Variants in SORCS2 observed in about 807,000 individuals in gnomAD.
SORCS2 encodes sortilin related VPS10 domain containing receptor 2.
SORCS2 carries 100 observed loss-of-function variants against 141.6 expected under a neutral mutation model. The observed-to-expected ratio is 0.71, with a 90% CI of 0.60 to 0.83. SORCS2 has a LOEUF of 0.83. Among genes scored for constraint, SORCS2 ranks in the 40% least tolerant of loss-of-function variants. SORCS2 has a pLI of 0.00. For synonymous variants in SORCS2, 789 were observed against 676.9 expected (o/e 1.17, Z -2.57); for missense variants, 1,646 against 1,560.2 (o/e 1.05, Z -0.93).
At chr4:7,433,948 T>C (rs377389407) in intron 2 of SORCS2, 5 of 1,613,870 alleles carry the variant, frequency 3.1e-6, no homozygotes, top group South Asian at 1.1e-5. Flanking sequence ...CTCAGAGCTG[T>C]TGGACATGAG....
chr4:7,264,728 CT>C (rs915455861), intron 1 of SORCS2, among the ~76,000 whole-genome samples: 1 of 152,242 alleles, frequency 6.6e-6, no homozygotes, highest in Non-Finnish European at 1.5e-5. Flanking sequence ...TGGAAAGCCC[CT>C]CACCATGCCT....
chr4:7,387,959 C>G (rs1002697791), intron 1 of SORCS2, among the ~76,000 whole-genome samples: 43 of 70,756 alleles, frequency 6.1e-4, no homozygotes, highest in African/African-American at 9.4e-4. Flanking sequence ...CACATGCACA[C>G]ACACACAGAT....
intron 3 of SORCS2, among the ~76,000 whole-genome samples, chr4:7,589,921 T>A (rs1253815330): frequency 6.6e-6 from 1 of 152,140 alleles, no homozygotes; most frequent in African/African-American, 2.4e-5. Context: ...ACTCACCAGG[T>A]CTGTGTGTGA....
rs1725704442 is a variant in SORCS2, at chr4:7,709,780, C to T, written c.1869-2953C>T. On this transcript the variant is annotated intron_variant, in intron 14 of 26. Coordinates refer to ENST00000507866, the MANE Select transcript of SORCS2 (RefSeq NM_020777.3). The stretch of plus-strand genomic sequence containing the variant: ...CCAGAGGCAACTTTTGGGACACTTT[C>T]CTGGCACCAGTCACTTTCACCTGCC... Among the ~76,000 whole-genome samples the T allele has an allele frequency of 3.3e-5, 5 of 152,198 alleles. No individual in the cohort carries two copies. In the South Asian group the frequency reaches 1.0e-3, roughly 32 times the overall value.
intron 2 of SORCS2, among the ~76,000 whole-genome samples, chr4:7,405,340 C>T (rs758142858): frequency 3.3e-5 from 5 of 151,974 alleles, no homozygotes; most frequent in Admixed American, 6.6e-5. Context: ...TATGTGGGCT[C>T]TTTTTGGGTT....
intron 3 of SORCS2, among the ~76,000 whole-genome samples, chr4:7,585,246 A>G (rs182523341): frequency 2.5e-4 from 38 of 152,340 alleles, no homozygotes; most frequent in African/African-American, 8.7e-4. Flanking sequence ...GGCCTGAGCT[A>G]TCACAGGAAG....
chr4:7,408,327 G>A (rs1048117205), intron 2 of SORCS2, among the ~76,000 whole-genome samples: 3 of 151,890 alleles, frequency 2.0e-5, no homozygotes, highest in African/African-American at 7.2e-5. Flanking sequence ...TAGAAAAGAC[G>A]ATATCTGTCT....
At chr4:7,377,821 G>A (rs1432648220) in intron 1 of SORCS2, among the ~76,000 whole-genome samples, 1 of 152,174 alleles carries the variant, frequency 6.6e-6, no homozygotes, top group East Asian at 1.9e-4. Context: ...ATATACTTAA[G>A]GCAGAATTCA....
rs1351638135 is a variant in SORCS2, at chr4:7,201,768, G to A, written c.480+8642G>A. Among the ~76,000 whole-genome samples, 4 of 152,092 alleles carry A rather than the reference G, an allele frequency of 2.6e-5. No individual in the cohort carries two copies. The highest frequency in any genetic ancestry group is 2.4e-5 in the African/African-American group (1 of 41,402). ...ACTTTGTCCTCGCCCCTCCTTAGTC[G>A]CTAGTTTGGGTGGGTGCTCTGTGGA... On this transcript the variant is annotated intron_variant, in intron 1 of 26. Coordinates refer to ENST00000507866, the MANE Select transcript of SORCS2 (RefSeq NM_020777.3). The surrounding 1 kb of genome is among the most constrained non-coding windows in gnomAD (Gnocchi z 4.4).
intron 1 of SORCS2, among the ~76,000 whole-genome samples, chr4:7,321,198 G>GGTTTTCT (rs1560190370): frequency 6.6e-6 from 1 of 152,126 alleles, no homozygotes; most frequent in Non-Finnish European, 1.5e-5. Flanking sequence ...TAGAGTATTT[G>GGTTTTCT]GTTTTCTGTT....
At chr4:7,572,970 C>T (rs558969054) in intron 3 of SORCS2, among the ~76,000 whole-genome samples, 13 of 152,270 alleles carry the variant, frequency 8.5e-5, no homozygotes, top group Admixed American at 5.2e-4. Context: ...TAAAGTGCCC[C>T]GTCATAGTCT....
At chr4:7,536,947 C>T (rs1199362108) in intron 3 of SORCS2, among the ~76,000 whole-genome samples, 1 of 152,088 alleles carries the variant, frequency 6.6e-6, no homozygotes, top group East Asian at 1.9e-4. Flanking sequence ...GTCACCCAGC[C>T]GGTAGAGAGA....
At chr4:7,463,283 A>G (rs1294076861) in intron 2 of SORCS2, among the ~76,000 whole-genome samples, 1 of 152,154 alleles carries the variant, frequency 6.6e-6, no homozygotes, top group Non-Finnish European at 1.5e-5. Context: ...TTACTCAGAA[A>G]ATGGGGCTGT....
chr4:7,589,938 A>G (rs1015525), intron 3 of SORCS2, among the ~76,000 whole-genome samples: 148,580 of 152,292 alleles, frequency 0.98, 72,553 homozygotes, highest in Non-Finnish European at 1. Flanking sequence ...GTGAACCAAG[A>G]GCTTTCCATG....
chr4:7,290,787 G>A (rs1716546306), intron 1 of SORCS2, among the ~76,000 whole-genome samples: 1 of 123,444 alleles, frequency 8.1e-6, no homozygotes, highest in Admixed American at 7.9e-5. Context: ...GACTGCAGAG[G>A]CTGCATTCTT....
At chr4:7,674,673 G>C (rs1405067170) in intron 8 of SORCS2, among the ~76,000 whole-genome samples, 1 of 151,910 alleles carries the variant, frequency 6.6e-6, no homozygotes, top group African/African-American at 2.4e-5. Flanking sequence ...GGCAGTGAGG[G>C]GAAGGGGCCG....
intron 17 of SORCS2, among the ~76,000 whole-genome samples, chr4:7,716,545 A>ACCATCCATCAATCTAT (rs139264441): frequency 0.11 from 16,315 of 151,324 alleles, 1,131 homozygotes; most frequent in South Asian, 0.14. Flanking sequence ...CTATTCATTC[A>ACCATCCATCAATCTAT]CCATCCATCA....
At chr4:7,358,041 C>T (rs74363954) in intron 1 of SORCS2, among the ~76,000 whole-genome samples, 2,435 of 152,296 alleles carry the variant, frequency 0.016, 71 homozygotes, top group African/African-American at 0.054. Flanking sequence ...GAGAGGAGTG[C>T]GCTGGCTCAA....
chr4:7,615,272 C>T lies in SORCS2; in HGVS notation c.649-23056C>T, dbSNP rs146870434. Among the ~76,000 whole-genome samples, 84 of 152,350 alleles carry T rather than the reference C, an allele frequency of 5.5e-4. 1 individual carries two copies. The East Asian group carries it at 0.013, about 24-fold the overall frequency. On this transcript the variant is annotated intron_variant, in intron 3 of 26. Coordinates refer to ENST00000507866, the MANE Select transcript of SORCS2 (RefSeq NM_020777.3). ...CAGTGAGCAAGAGAGACAAGACCCT[C>T]CTATCTGGAACTTAAGCTTGAAGTC... is the stretch of plus-strand genomic sequence containing the variant.
Sources: gnomAD v4.1 joint callset for allele counts (sites outside exome capture counted in the v4.1 genomes callset) on GRCh38, gnomAD v4.1.1 for gene constraint, Gnocchi (gnomAD v3.1) non-coding constraint, MANE v1.5 for transcripts, NCBI Gene and HGNC (gene_info 2026-07-23, HGNC 2026-07-21) for gene names.